ITSN1: variants seen among roughly 807,000 people sequenced by gnomAD.
ITSN1 encodes intersectin-1.
In ITSN1, 58 loss-of-function variants were observed where a neutral mutation model predicts 239.8. The ratio of observed to expected loss-of-function variants is 0.24; its 90% CI spans 0.20 to 0.30. The LOEUF (loss-of-function observed/expected upper bound fraction) is 0.30, where lower values mean the gene tolerates loss of function less well. Among genes scored for constraint, ITSN1 ranks in the 10% least tolerant of loss-of-function variants. The probability of loss-of-function intolerance (pLI) is 1.00; values close to 1 mark genes in which losing one functional copy is unlikely to be tolerated. For synonymous variants in ITSN1, 780 were observed against 770.8 expected, an observed-to-expected ratio of 1.01 and a Z score of -0.20; for missense variants, 1,558 against 2,103.3, an observed-to-expected ratio of 0.74 and a Z score of 5.07.
At position 33,894,188 on chromosome 21, in the gene ITSN1, A is replaced by G. The variant is rs1425083607; in HGVS notation, c.*5888A>G. ...TTTGATGGCAAACTAACTTTAAGTC[A>G]TTAAAATAAGACCCAACGCTTATAA... On this transcript the variant is annotated 3_prime_UTR_variant, in exon 40 of 40. Coordinates refer to ENST00000381318, the MANE Select transcript of ITSN1 (RefSeq NM_003024.3). 1.3e-5 allele frequency: 2 copies of G among 152,236 alleles called. No homozygotes were observed. The highest frequency in any genetic ancestry group is 2.9e-5 in the Non-Finnish European group (2 of 68,052). 9.4% of individuals were successfully genotyped at this position (152,236 alleles called of 1,614,324 possible).
chr21:33,754,277 A>G (rs1569103869), intron 7 of ITSN1: 1 of 152,352 alleles, frequency 6.6e-6, no homozygotes, highest in East Asian at 1.9e-4. Context: ...AATTCATATA[A>G]GTACTTCTCG....
intron 5 of ITSN1, among the ~76,000 whole-genome samples, chr21:33,744,540 G>A (rs527544163): frequency 5.9e-5 from 9 of 152,278 alleles, no homozygotes; most frequent in African/African-American, 1.9e-4. Context: ...AGCATCCTTA[G>A]CGTCCAGATT....
chr21:33,724,788 AAAAT>A (rs1345691239), intron 4 of ITSN1, among the ~76,000 whole-genome samples: 2 of 152,182 alleles, frequency 1.3e-5, no homozygotes, highest in Admixed American at 1.3e-4. Context: ...GTGGTGGAGA[AAAAT>A]AAAATACACT....
At position 33,890,391 on chromosome 21, in the gene ITSN1, T is replaced by C. The variant is rs2148581215; in HGVS notation, c.*2091T>C. ...TTGTTCATGTAGGTAGCGTATGGTA[T>C]GCACAATGACAAACAATCGTTTTAG... is the stretch of plus-strand genomic sequence containing the variant. On this transcript the variant is annotated 3_prime_UTR_variant, in exon 40 of 40. Transcript: ENST00000381318. The C allele has an allele frequency of 6.6e-6, 1 of 152,348 alleles. No homozygotes were observed. Among genetic ancestry groups the C allele is most frequent in the South Asian group, 2.1e-4 (1 of 4,832 alleles). The allele number at this position is 152,348 out of a possible 1,614,324, so 9.4% of individuals were successfully genotyped here.
intron 29 of ITSN1, among the ~76,000 whole-genome samples, chr21:33,855,530 A>AT (rs1307665699): frequency 6.6e-6 from 1 of 152,258 alleles, no homozygotes; most frequent in African/African-American, 2.4e-5. Flanking sequence ...AGAACCTCTG[A>AT]TAAAAAAGAG....
chr21:33,887,472 C>T (rs895570487), intron 39 of ITSN1, among the ~76,000 whole-genome samples: 13 of 152,138 alleles, frequency 8.5e-5, no homozygotes, highest in Non-Finnish European at 1.8e-4. Flanking sequence ...TGAATTATCT[C>T]ATTGTGAGTT....
chr21:33,892,697 C>T lies in ITSN1; in HGVS notation c.*4397C>T, dbSNP rs1325276153. 1 of 152,184 alleles carries T rather than the reference C, an allele frequency of 6.6e-6. No homozygotes were observed. Among genetic ancestry groups the T allele is most frequent in the African/African-American group, 2.4e-5 (1 of 41,422 alleles). The allele number at this position is 152,184 out of a possible 1,614,324, so 9.4% of individuals were successfully genotyped here. A position where few individuals can be genotyped will look rare whatever the true frequency, so the allele number is the denominator to read the frequency against. ...TCCCATGACATTGATCTAGCAGCCTCCTGCACGTAGACACTCAGTTCATTT... is the reference window on the plus strand; with the variant it reads ...TCCCATGACATTGATCTAGCAGCCTTCTGCACGTAGACACTCAGTTCATTT... On this transcript the variant is annotated 3_prime_UTR_variant, in exon 40 of 40. Transcript: ENST00000381318.
chr21:33,665,271 A>G (rs1448563547), intron 1 of ITSN1, among the ~76,000 whole-genome samples: 1 of 152,212 alleles, frequency 6.6e-6, no homozygotes, highest in African/African-American at 2.4e-5. Context: ...TCAAAAAAAA[A>G]GAAAAAAATA....
At chr21:33,668,582 G>A (rs1282320312) in intron 1 of ITSN1, among the ~76,000 whole-genome samples, 1 of 152,200 alleles carries the variant, frequency 6.6e-6, no homozygotes, top group Non-Finnish European at 1.5e-5. Context: ...ATGGGGCCTG[G>A]GGATGCTCTA....
chr21:33,748,976 G>T (rs2067368505), intron 5 of ITSN1, among the ~76,000 whole-genome samples: 1 of 144,972 alleles, frequency 6.9e-6, no homozygotes, highest in Admixed American at 7.3e-5. Context: ...AAAAAAGAAG[G>T]TAAGCTTTTT....
intron 1 of ITSN1, among the ~76,000 whole-genome samples, chr21:33,657,910 C>T (rs1441022688): frequency 6.6e-6 from 1 of 152,110 alleles, no homozygotes; most frequent in Non-Finnish European, 1.5e-5. Context: ...TGCTTGAGCC[C>T]AGGAATTTGA....
At chr21:33,880,257 C>A (rs1381096591) in intron 34 of ITSN1, among the ~76,000 whole-genome samples, 1 of 152,160 alleles carries the variant, frequency 6.6e-6, no homozygotes, top group African/African-American at 2.4e-5. Context: ...AAATACTGTT[C>A]CCAGTTCATG....
rs551044020 is a variant in ITSN1 at position 33,689,724 on chromosome 21, C to T, written c.-32-29073C>T. 1.3e-4 allele frequency among the ~76,000 whole-genome samples: 20 copies of T among 152,036 alleles called. No homozygotes were observed. In the South Asian group the frequency reaches 2.5e-3, roughly 19 times the overall value. On this transcript the variant is annotated intron_variant, in intron 1 of 39. Transcript: ENST00000381318. ...GGCTCATGCCTGTAATGCTAGCACT[C>T]GGGGAGGCTGAGGCCGGTGGATCAC...
intron 1 of ITSN1, among the ~76,000 whole-genome samples, chr21:33,716,059 C>T (rs2065119320): frequency 1.3e-5 from 2 of 152,116 alleles, no homozygotes; most frequent in Admixed American, 1.3e-4. Context: ...TAACTGAGTT[C>T]ACAGAGAAAG....
At chr21:33,870,507 T>A (rs12483337) in intron 33 of ITSN1, among the ~76,000 whole-genome samples, 11,675 of 152,256 alleles carry the variant, frequency 0.077, 478 homozygotes, top group Non-Finnish European at 0.097. Context: ...GAGATACATA[T>A]GAAATCTGCT....
At chr21:33,685,969 C>T (rs968592675) in intron 1 of ITSN1, among the ~76,000 whole-genome samples, 1 of 152,128 alleles carries the variant, frequency 6.6e-6, no homozygotes, top group African/African-American at 2.4e-5. Context: ...CCAATTTTGC[C>T]ATACTTGTTT....
At chr21:33,825,277 A>G (rs2073916395) in intron 25 of ITSN1, among the ~76,000 whole-genome samples, 1 of 152,196 alleles carries the variant, frequency 6.6e-6, no homozygotes, top group South Asian at 2.1e-4. Flanking sequence ...CAGAAGAACT[A>G]GCAGTACTAG....
chr21:33,793,149 A>G (rs561598273), intron 16 of ITSN1, among the ~76,000 whole-genome samples: 3 of 152,334 alleles, frequency 2.0e-5, no homozygotes, highest in Non-Finnish European at 4.4e-5. Context: ...TTTTTTTCCA[A>G]TAACAAGTGC....
intron 1 of ITSN1, among the ~76,000 whole-genome samples, chr21:33,671,447 C>A (rs147189947): frequency 1.3e-4 from 19 of 151,882 alleles, no homozygotes; most frequent in African/African-American, 4.3e-4. Flanking sequence ...CCACCACGCC[C>A]GACTAATTTT....
Sources: allele counts gnomAD v4.1 joint callset (sites outside exome capture counted in the v4.1 genomes callset), GRCh38; gene constraint gnomAD v4.1.1; transcripts MANE v1.5; gene names NCBI Gene and HGNC (gene_info 2026-07-23, HGNC 2026-07-21).